Variants in MEIS1 observed in about 807,000 individuals in gnomAD.
MEIS1 encodes Meis homeobox 1, also known as homeobox protein Meis1.
A neutral mutation model predicts 50.8 loss-of-function variants in MEIS1; 5 were observed. That is an observed-to-expected ratio of 0.10 (90% CI 0.05 to 0.21). MEIS1 has a LOEUF of 0.21. Among genes scored for constraint, MEIS1 ranks in the 10% least tolerant of loss-of-function variants. The pLI, the probability that MEIS1 is intolerant of heterozygous loss-of-function variation, is 1.00. For missense variants in MEIS1, 318 were observed against 517.3 expected, an observed-to-expected ratio of 0.61 and a Z score of 3.74; for synonymous variants, 176 against 179.3, an observed-to-expected ratio of 0.98 and a Z score of 0.15.
At chr2:66,539,467 C>A (rs907090333) in intron 8 of MEIS1, among the ~76,000 whole-genome samples, 1 of 152,104 alleles carries the variant, frequency 6.6e-6, no homozygotes, top group African/African-American at 2.4e-5. Flanking sequence ...AAGACAAAAT[C>A]GTTTGGAAGT....
intron 8 of MEIS1, among the ~76,000 whole-genome samples, chr2:66,530,972 A>C (rs1674377178): frequency 6.6e-6 from 1 of 152,188 alleles, no homozygotes; most frequent in African/African-American, 2.4e-5. Flanking sequence ...TGCTAAGATA[A>C]ATTTTTTTTC....
chr2:66,482,965 CT>C (rs1356620239), intron 7 of MEIS1, among the ~76,000 whole-genome samples: 1 of 152,122 alleles, frequency 6.6e-6, no homozygotes, highest in Non-Finnish European at 1.5e-5. Flanking sequence ...GATGGTTTGA[CT>C]TTTTTGGACA....
chr2:66,564,277 C>A (rs2103967443), intron 9 of MEIS1, among the ~76,000 whole-genome samples: 1 of 152,244 alleles, frequency 6.6e-6, no homozygotes, highest in African/African-American at 2.4e-5. Context: ...TAGCTGACAT[C>A]TGTGTTCTTA....
Position 66,550,147 on chromosome 2 carries a change from G to A in MEIS1, c.965+2128G>A, listed in dbSNP as rs537465511. ...TCACACTGCTATTCAATTCTGCACGGGTAAATAACTTAAAAATAGCTTTTA... is the reference window on the plus strand; with the variant it reads ...TCACACTGCTATTCAATTCTGCACGAGTAAATAACTTAAAAATAGCTTTTA... On this transcript the variant is annotated intron_variant, in intron 9 of 12. Transcript: ENST00000272369. Among the ~76,000 whole-genome samples, 21 of 152,128 alleles carry A rather than the reference G, an allele frequency of 1.4e-4. No homozygotes were observed. The South Asian group carries it at 3.3e-3, about 24-fold the overall frequency.
chr2:66,571,763 C>T lies in MEIS1; in HGVS notation c.*555C>T. 3 of 530,134 alleles carry T rather than the reference C, an allele frequency of 5.7e-6. No homozygotes were observed. Among genetic ancestry groups the T allele is most frequent in the Non-Finnish European group, 6.6e-6 (2 of 303,720 alleles). 32.8% of individuals were successfully genotyped at this position (530,134 alleles called of 1,614,324 possible). The stretch of plus-strand genomic sequence containing the variant: ...GTGAAATATTGTAAATGCTATTATA[C>T]TGTTATCCATATTACGTTGTTTCTT... On this transcript the variant is annotated 3_prime_UTR_variant, in exon 13 of 13. Transcript: ENST00000272369.
At chr2:66,470,272 A>C (rs1672735119) in intron 7 of MEIS1, among the ~76,000 whole-genome samples, 1 of 152,222 alleles carries the variant, frequency 6.6e-6, no homozygotes, top group African/African-American at 2.4e-5. Flanking sequence ...TGCAAATTAA[A>C]GTGTGGCCTT....
intron 9 of MEIS1, among the ~76,000 whole-genome samples, chr2:66,556,958 A>G (rs1027622454): frequency 2.6e-5 from 4 of 152,126 alleles, no homozygotes; most frequent in Admixed American, 6.5e-5. Context: ...GGCACATAAG[A>G]AGCATGTCAC....
chr2:66,527,846 T>C (rs1674294746), intron 8 of MEIS1, among the ~76,000 whole-genome samples: 1 of 152,184 alleles, frequency 6.6e-6, no homozygotes, highest in Admixed American at 6.5e-5. Flanking sequence ...ATCTAACTTA[T>C]CTTTGAATTG....
chr2:66,543,095 G>A (rs536691520), intron 8 of MEIS1, among the ~76,000 whole-genome samples: 1 of 152,268 alleles, frequency 6.6e-6, no homozygotes, highest in South Asian at 2.1e-4. Context: ...CTGGTTATGT[G>A]CAGACATAAC....
At chr2:66,443,256 G>A in intron 6 of MEIS1, 1 of 534,970 alleles carries the variant, frequency 1.9e-6, no homozygotes, top group Non-Finnish European at 3.1e-6. Flanking sequence ...AGATGAGCTT[G>A]TAAAAGCTTT....
intron 7 of MEIS1, among the ~76,000 whole-genome samples, chr2:66,497,399 A>G (rs967937999): frequency 6.6e-6 from 1 of 152,154 alleles, no homozygotes; most frequent in Non-Finnish European, 1.5e-5. Context: ...ATCAATGCCA[A>G]TCTCAGTTTC....
At chr2:66,558,067 G>A (rs1433376442) in intron 9 of MEIS1, among the ~76,000 whole-genome samples, 3 of 152,024 alleles carry the variant, frequency 2.0e-5, no homozygotes, top group East Asian at 1.9e-4. Flanking sequence ...ATCACCTGAG[G>A]TTGGGAGTTC....
chr2:66,439,074 CTTCTTCT>C (rs1216156140), intron 2 of MEIS1: 16 of 149,472 alleles, frequency 1.1e-4, no homozygotes, highest in African/African-American at 3.5e-4. Flanking sequence ...CTTTCTTCTT[CTTCTTCT>C]TTTTTTTTTT....
In MEIS1 at chr2:66,568,522, A is replaced by G. The variant is rs1675406096; in HGVS notation, c.1025-145A>G. The G allele has an allele frequency of 1.1e-5, 5 of 474,706 alleles. No individual in the cohort carries two copies. The Admixed American group carries it at 1.4e-4, about 13-fold the overall frequency. The allele number at this position is 474,706 out of a possible 1,614,324, so 29.4% of individuals were successfully genotyped here. On this transcript the variant is annotated intron_variant, in intron 10 of 12. Transcript: ENST00000272369. ...AGGTGTGTAGATCTAGTCTGAGAGA[A>G]ATTTCACTTTGAATGTTTAAAAAAT...
chr2:66,542,736 C>T (rs1572892227), intron 8 of MEIS1, among the ~76,000 whole-genome samples: 1 of 152,276 alleles, frequency 6.6e-6, no homozygotes, highest in East Asian at 1.9e-4. Context: ...TTTTCTGCTG[C>T]CATTACAATG....
At chr2:66,459,348 C>G (rs1040540835) in intron 6 of MEIS1, among the ~76,000 whole-genome samples, 1 of 152,076 alleles carries the variant, frequency 6.6e-6, no homozygotes, top group Non-Finnish European at 1.5e-5. Context: ...GGAATGGTCC[C>G]TTGGGGAGAT....
intron 7 of MEIS1, among the ~76,000 whole-genome samples, chr2:66,475,354 A>G (rs1672869924): frequency 6.8e-6 from 1 of 147,652 alleles, no homozygotes; most frequent in South Asian, 2.1e-4. Context: ...TTATATATGC[A>G]TAAATATAAA....
intron 7 of MEIS1, among the ~76,000 whole-genome samples, chr2:66,475,939 G>A (rs1051506011): frequency 2.6e-5 from 4 of 152,166 alleles, no homozygotes; most frequent in African/African-American, 7.2e-5. Context: ...TGTGAGCCAA[G>A]GTGCTGAGTA....
intron 7 of MEIS1, among the ~76,000 whole-genome samples, chr2:66,486,643 A>G (rs992891055): frequency 2.6e-5 from 4 of 152,148 alleles, no homozygotes; most frequent in Non-Finnish European, 4.4e-5. Flanking sequence ...AAGAAAGTCA[A>G]TGGTAGCTTG....
Sources: allele counts gnomAD v4.1 joint callset (sites outside exome capture counted in the v4.1 genomes callset), GRCh38; gene constraint gnomAD v4.1.1; transcripts MANE v1.5; gene names NCBI Gene and HGNC (gene_info 2026-07-23, HGNC 2026-07-21).